Variants in ARL15 observed in about 807,000 individuals in gnomAD.
The protein encoded by ARL15 is ADP-ribosylation factor-like protein 15.
ARL15 carries 19 observed loss-of-function variants against 25.2 expected under a neutral mutation model. That is an observed-to-expected ratio of 0.75 (90% CI 0.53 to 1.10). ARL15 has a LOEUF of 1.10. ARL15 is among the 50% of genes least tolerant of loss of function. The pLI, the probability that ARL15 is intolerant of heterozygous loss-of-function variation, is 0.00. For missense variants in ARL15, 220 were observed against 246.0 expected, an observed-to-expected ratio of 0.89 and a Z score of 0.71; for synonymous variants, 94 against 86.8, an observed-to-expected ratio of 1.08 and a Z score of -0.46.
chr5:54,284,503 T>G (rs1483492899), intron 1 of ARL15, among the ~76,000 whole-genome samples: 1 of 152,218 alleles, frequency 6.6e-6, no homozygotes, highest in South Asian at 2.1e-4. Context: ...GTATTCCCAG[T>G]GCCATATGAA....
chr5:54,066,724 C>T (rs1223597154), intron 4 of ARL15, among the ~76,000 whole-genome samples: 1 of 152,074 alleles, frequency 6.6e-6, no homozygotes, highest in Non-Finnish European at 1.5e-5. Context: ...ACTTCCCAAC[C>T]TGCTGAGATT....
Position 53,929,729 on chromosome 5 carries a change from T to A in ARL15, c.463-43016A>T, listed in dbSNP as rs1200168217. ...AAGGTCCAATGGACTACCATAAATG[T>A]GTGGTTCACACCATCAGAGGCGGAT... On this transcript the variant is annotated intron_variant, in intron 4 of 4. Coordinates refer to ENST00000504924, the MANE Select transcript of ARL15 (RefSeq NM_019087.3). Among the ~76,000 whole-genome samples the A allele has an allele frequency of 2.0e-5, 3 of 152,204 alleles. No individual in the cohort carries two copies. The East Asian group carries it at 5.8e-4, about 29-fold the overall frequency.
chr5:53,988,321 GA>G (rs756851983), intron 4 of ARL15, among the ~76,000 whole-genome samples: 6,045 of 106,750 alleles, frequency 0.057, 136 homozygotes, highest in Non-Finnish European at 0.079. Context: ...AAGAAAAAAA[GA>G]AAAAAAAAAA....
intron 4 of ARL15, among the ~76,000 whole-genome samples, chr5:53,971,436 C>G (rs1272978389): frequency 1.3e-5 from 2 of 152,116 alleles, no homozygotes; most frequent in Non-Finnish European, 2.9e-5. Flanking sequence ...TCCAATTAGA[C>G]AACAAAAGCA....
intron 1 of ARL15, among the ~76,000 whole-genome samples, chr5:54,258,727 G>A (rs146705517): frequency 6.6e-6 from 1 of 152,124 alleles, no homozygotes; most frequent in South Asian, 2.1e-4. Flanking sequence ...AAGGAGAGGG[G>A]CATGAAATGA....
intron 4 of ARL15, among the ~76,000 whole-genome samples, chr5:54,006,889 G>A (rs1026888500): frequency 2.0e-5 from 3 of 152,006 alleles, no homozygotes; most frequent in African/African-American, 7.3e-5. Context: ...TCGGGAGTTC[G>A]AGACCAGCCT....
intron 1 of ARL15, among the ~76,000 whole-genome samples, chr5:54,185,132 T>C (rs1755201205): frequency 6.6e-6 from 1 of 152,098 alleles, no homozygotes; most frequent in Non-Finnish European, 1.5e-5. Context: ...CAAAACTTAA[T>C]TGATAATAAT....
intron 4 of ARL15, among the ~76,000 whole-genome samples, chr5:54,063,211 A>C (rs1751120463): frequency 6.6e-6 from 1 of 152,238 alleles, no homozygotes; most frequent in Admixed American, 6.5e-5. Flanking sequence ...TTCCGAGTAC[A>C]ACTGGCTTAT....
At chr5:53,994,965 G>A (rs930224169) in intron 4 of ARL15, among the ~76,000 whole-genome samples, 16 of 152,166 alleles carry the variant, frequency 1.1e-4, no homozygotes, top group African/African-American at 1.4e-4. Flanking sequence ...ATAAGCCACC[G>A]TACCTGGTCT....
chr5:54,157,895 T>C (rs1579857419), intron 2 of ARL15, among the ~76,000 whole-genome samples: 1 of 152,192 alleles, frequency 6.6e-6, no homozygotes, highest in Non-Finnish European at 1.5e-5. Context: ...AAAGTCTAGA[T>C]AGACTGATTA....
At chr5:54,195,291 A>G (rs181546160) in intron 1 of ARL15, among the ~76,000 whole-genome samples, 3 of 152,278 alleles carry the variant, frequency 2.0e-5, no homozygotes, top group Admixed American at 2.0e-4. Context: ...AAAATACAGA[A>G]AAAAATCAAC....
At chr5:54,169,310 C>A (rs1754658248) in intron 2 of ARL15, among the ~76,000 whole-genome samples, 1 of 152,158 alleles carries the variant, frequency 6.6e-6, no homozygotes. Flanking sequence ...AAGACTTAAG[C>A]TAATAAAGTT....
intron 4 of ARL15, chr5:53,887,231 T>C: frequency 1.7e-6 from 1 of 590,942 alleles, no homozygotes; most frequent in Admixed American, 3.1e-5. Flanking sequence ...CTCAAATTTC[T>C]AGTATCTGCT....
intron 4 of ARL15, among the ~76,000 whole-genome samples, chr5:54,063,615 C>T (rs979681598): frequency 3.3e-5 from 5 of 150,690 alleles, no homozygotes; most frequent in African/African-American, 4.9e-5. Flanking sequence ...TGACAAACTC[C>T]TAATTCAACA....
intron 3 of ARL15, among the ~76,000 whole-genome samples, chr5:54,147,468 G>A (rs1469541229): frequency 6.6e-6 from 1 of 152,150 alleles, no homozygotes; most frequent in African/African-American, 2.4e-5. Context: ...TGCAGAGAGT[G>A]GCAGAGGATC....
In ARL15 at chr5:53,884,636, G is replaced by C. The variant is rs1175071967; in HGVS notation, c.*1925C>G. 1.3e-5 allele frequency: 2 copies of C among 151,940 alleles called. No homozygotes were observed. The highest frequency in any genetic ancestry group is 4.8e-5 in the African/African-American group (2 of 41,328). 9.4% of individuals were successfully genotyped at this position (151,940 alleles called of 1,614,324 possible). ...GGCTGAGACGCTGCAGACAGTCGTG[G>C]GTTTGAGGAGAGGCCCATCACTGGC... On this transcript the variant is annotated 3_prime_UTR_variant, in exon 5 of 5. Transcript: ENST00000504924.
At chr5:54,159,264 C>T (rs1367179880) in intron 2 of ARL15, among the ~76,000 whole-genome samples, 2 of 152,084 alleles carry the variant, frequency 1.3e-5, no homozygotes, top group African/African-American at 4.8e-5. Flanking sequence ...AAATCAGGAA[C>T]TTAGGAGGGG....
chr5:53,989,695 G>A (rs886980534), intron 4 of ARL15, among the ~76,000 whole-genome samples: 5 of 151,402 alleles, frequency 3.3e-5, no homozygotes, highest in African/African-American at 4.9e-5. Context: ...AGAAACTGAC[G>A]ATAACTTTTC....
In ARL15 at chr5:54,093,879, G is replaced by A. The variant is rs531777317; in HGVS notation, c.462+19323C>T. On this transcript the variant is annotated intron_variant, in intron 4 of 4. Coordinates refer to ENST00000504924, the MANE Select transcript of ARL15 (RefSeq NM_019087.3). The stretch of plus-strand genomic sequence containing the variant: ...GCATCCTGATGAATATCAAGGATCT[G>A]CTATAAAAACAGATTCTCTTAAATA... 2.0e-5 allele frequency among the ~76,000 whole-genome samples: 3 copies of A among 152,296 alleles called. No individual in the cohort carries two copies. The East Asian group carries it at 5.8e-4, about 29-fold the overall frequency.
Sources: allele counts gnomAD v4.1 joint callset (sites outside exome capture counted in the v4.1 genomes callset), GRCh38; gene constraint gnomAD v4.1.1; transcripts MANE v1.5; gene names NCBI Gene and HGNC (gene_info 2026-07-23, HGNC 2026-07-21).